RNASEH2B: variants seen among roughly 807,000 people sequenced by gnomAD.
The protein encoded by RNASEH2B is Aicardi-Goutieres syndrome 2 protein.
RNASEH2B carries 36 observed loss-of-function variants against 45.0 expected under a neutral mutation model. The observed-to-expected ratio is 0.80, with a 90% CI of 0.61 to 1.06. RNASEH2B has a LOEUF of 1.06. Ranked by LOEUF, RNASEH2B falls within the 50% of genes least tolerant of loss-of-function variation. The pLI, the probability that RNASEH2B is intolerant of heterozygous loss-of-function variation, is 0.00. For synonymous variants in RNASEH2B, 119 were observed against 125.7 expected, an observed-to-expected ratio of 0.95 and a Z score of 0.35; for missense variants, 361 against 360.3, an observed-to-expected ratio of 1.00 and a Z score of -0.02.
At chr13:50,939,393 G>T (rs1469763519) in intron 5 of RNASEH2B, among the ~76,000 whole-genome samples, 1 of 151,972 alleles carries the variant, frequency 6.6e-6, no homozygotes, top group East Asian at 1.9e-4. Flanking sequence ...GGTGGTATGT[G>T]CCTATAGTTC....
At chr13:50,970,337 C>G (rs958220986) in exon 10 of RNASEH2B, 14 of 468,870 alleles carry the variant, frequency 3.0e-5, no homozygotes, top group African/African-American at 2.9e-4. Context: ...AGTTTCAACC[C>G]TTACTTTAAA....
Position 50,909,927 on chromosome 13 carries a change from A to T in RNASEH2B, c.-150A>T. 3 of 551,340 alleles carry T rather than the reference A, an allele frequency of 5.4e-6. No homozygotes were observed. Among genetic ancestry groups the T allele is most frequent in the Non-Finnish European group, 9.1e-6 (3 of 331,158 alleles). The allele number at this position is 551,340 out of a possible 1,614,324, so 34.2% of individuals were successfully genotyped here. A position where few individuals can be genotyped will look rare whatever the true frequency, so the allele number is the denominator to read the frequency against. On this transcript the variant is annotated 5_prime_UTR_variant, in exon 1 of 11. Coordinates refer to ENST00000336617, the MANE Select transcript of RNASEH2B (RefSeq NM_024570.4). Reference sequence around the variant, plus strand: ...CAGGCTGGTCTCGGAAACGAAACGAAATTCGGTCCCTGGGCCTCCTCCCGG... The same window carrying T: ...CAGGCTGGTCTCGGAAACGAAACGATATTCGGTCCCTGGGCCTCCTCCCGG...
At chr13:50,934,641 A>G (rs999950959) in intron 4 of RNASEH2B, 4 of 529,716 alleles carry the variant, frequency 7.6e-6, no homozygotes, top group Non-Finnish European at 1.4e-5. Context: ...TCCCCATTTC[A>G]TTTGGGGACT....
chr13:50,936,085 G>A (rs1237693928), intron 5 of RNASEH2B: 2 of 152,302 alleles, frequency 1.3e-5, no homozygotes, highest in African/African-American at 4.8e-5. Context: ...GTAGTGGTGG[G>A]ATCCTGGACA....
In RNASEH2B at chr13:50,956,388, G is replaced by A. The variant is rs752930177; in HGVS notation, c.853G>A (p.Ala285Thr). 12 of 1,603,386 alleles carry A rather than the reference G, an allele frequency of 7.5e-6. No homozygotes were observed. The South Asian group carries it at 1.3e-4, about 18-fold the overall frequency. The stretch of plus-strand genomic sequence containing the variant: ...TAGCAAAATGACTGCAGCTCAGAAG[G>A]CTTTGGCTAAAGTTGACAAGAGTGG... ...KNSKMTAAQKALAKVDKSGMK... is the reference protein window; with the variant it reads ...KNSKMTAAQKTLAKVDKSGMK... The change falls in exon 11 of 11, where the codon GCT becomes ACT. Residue 285 changes from alanine to threonine, a missense_variant. Ala to Thr is a moderately conservative substitution (Grantham distance 58). Transcript: ENST00000336617.
intron 10 of RNASEH2B, chr13:50,954,306 G>C: frequency 4.0e-6 from 2 of 503,018 alleles, no homozygotes; most frequent in Non-Finnish European, 3.5e-6. Context: ...CTGCTGCCCA[G>C]AAGCAGAAAT....
intron 8 of RNASEH2B, chr13:50,948,327 T>A: frequency 2.4e-6 from 1 of 420,292 alleles, no homozygotes; most frequent in Non-Finnish European, 4.0e-6. Context: ...TTAACTATGT[T>A]AAAATTTTAT....
At position 50,943,379 on chromosome 13, in the gene RNASEH2B, G is replaced by A; in HGVS notation, c.495G>A (p.Lys165=). 6.2e-7 allele frequency: 1 copy of A among 1,605,406 alleles called. No individual in the cohort carries two copies. The highest frequency in any genetic ancestry group is 8.5e-7 in the Non-Finnish European group (1 of 1,172,428). The change falls in exon 6 of 11, where the codon AAG becomes AAA. Residue 165 remains lysine (K), a synonymous_variant. Transcript: ENST00000336617. ...AGTACAGCAAAGAGAAGACATTAAA[G>A]TGGCTGGAAAAAAAGGTATAGTTCC... ...YYKYSKEKTL[K]WLEKKVNQTV... is the part of the protein sequence containing the mutation.
At chr13:50,958,464 A>G (rs1327603083), downstream of RNASEH2B, among the ~76,000 whole-genome samples, 1 of 152,048 alleles carries the variant, frequency 6.6e-6, no homozygotes, top group Non-Finnish European at 1.5e-5. Flanking sequence ...CTGTTTTTGT[A>G]TCAGTACTAT....
chr13:50,910,026 G>A lies in RNASEH2B; in HGVS notation c.-51G>A, dbSNP rs1879247836. The A allele has an allele frequency of 3.5e-6, 5 of 1,437,566 alleles. No individual in the cohort carries two copies. The highest frequency in any genetic ancestry group is 4.6e-6 in the Non-Finnish European group (5 of 1,087,462). The allele number at this position is 1,437,566 out of a possible 1,614,324, so 89.1% of individuals were successfully genotyped here. A position where few individuals can be genotyped will look rare whatever the true frequency, so the allele number is the denominator to read the frequency against. On this transcript the variant is annotated 5_prime_UTR_variant, in exon 1 of 11. Coordinates refer to ENST00000336617, the MANE Select transcript of RNASEH2B (RefSeq NM_024570.4). Reference sequence around the variant, plus strand: ...CCCGCCATTTTCGGCGGGGCTGGGAGACTGAGGCCCGCGGCGCTGAGCCTG... The same window carrying A: ...CCCGCCATTTTCGGCGGGGCTGGGAAACTGAGGCCCGCGGCGCTGAGCCTG...
intron 1 of RNASEH2B, among the ~76,000 whole-genome samples, chr13:50,916,991 A>C (rs1458091480): frequency 6.6e-6 from 1 of 152,016 alleles, no homozygotes; most frequent in Non-Finnish European, 1.5e-5. Context: ...TTAGTGAAAA[A>C]CTGGTTTCAC....
At chr13:50,942,100 A>G (rs1401903591) in intron 5 of RNASEH2B, 1 of 152,222 alleles carries the variant, frequency 6.6e-6, no homozygotes, top group African/African-American at 2.4e-5. Context: ...AGAGGTGGTA[A>G]ATTCACATCA....
chr13:50,921,056 T>C (rs1951517810), intron 1 of RNASEH2B: 1 of 152,216 alleles, frequency 6.6e-6, no homozygotes, highest in African/African-American at 2.4e-5. Context: ...TTTTTCCACG[T>C]AGTTGAGGGA....
intron 1 of RNASEH2B, among the ~76,000 whole-genome samples, chr13:50,916,203 ATCT>A (rs1431845429): frequency 6.6e-6 from 1 of 151,908 alleles, no homozygotes; most frequent in African/African-American, 2.4e-5. Flanking sequence ...ATGAATTCCA[ATCT>A]TCTTAAATTT....
chr13:50,954,666 A>G (rs1279354046), intron 10 of RNASEH2B: 2 of 152,232 alleles, frequency 1.3e-5, no homozygotes, highest in African/African-American at 4.8e-5. Context: ...ATTCTTATTT[A>G]CAGTCTGTAT....
intron 9 of RNASEH2B, among the ~76,000 whole-genome samples, chr13:50,968,831 T>C (rs528463478): frequency 1.6e-4 from 25 of 152,354 alleles, no homozygotes; most frequent in Non-Finnish European, 2.8e-4. Context: ...ATAAATGTTA[T>C]TTTGATGGTC....
At chr13:50,948,191 T>A (rs762806232) in intron 8 of RNASEH2B, 123 bp downstream of exon 8, 4 of 1,481,882 alleles carry the variant, frequency 2.7e-6, no homozygotes, top group Non-Finnish European at 3.6e-6. Context: ...TTCAGCTATG[T>A]CATATACTTT....
intron 1 of RNASEH2B, chr13:50,911,145 AC>A (rs1453535092): frequency 6.6e-6 from 1 of 152,212 alleles, no homozygotes; most frequent in East Asian, 1.9e-4. Flanking sequence ...CAAGATGTAG[AC>A]TGTTTCCAAT....
Position 50,910,104 on chromosome 13 carries a change from G to T in RNASEH2B, c.28G>T (p.Gly10Trp), listed in dbSNP as rs1314779913. The change falls in exon 1 of 11, where the codon GGG becomes TGG. Residue 10 changes from glycine (G) to tryptophan (W), a missense_variant. Gly to Trp is a radical substitution (Grantham distance 184). Coordinates refer to ENST00000336617, the MANE Select transcript of RNASEH2B (RefSeq NM_024570.4). ...GGCCGCTGGCGTGGACTGCGGGGAC[G>T]GGGTTGGCGCCCGGCAGCACGTGTT... MAAGVDCGDGVGARQHVFLV... is the reference protein window; with the variant it reads MAAGVDCGDWVGARQHVFLV... The T allele has an allele frequency of 4.1e-6, 6 of 1,461,798 alleles. No individual in the cohort carries two copies. The highest frequency in any genetic ancestry group is 2.3e-4 in the Middle Eastern group (1 of 4,376). 90.6% of individuals were successfully genotyped at this position (1,461,798 alleles called of 1,614,324 possible).
Sources: gnomAD v4.1 joint callset for allele counts (sites outside exome capture counted in the v4.1 genomes callset) on GRCh38, gnomAD v4.1.1 for gene constraint, MANE v1.5 for transcripts, NCBI Gene and HGNC (gene_info 2026-07-23, HGNC 2026-07-21) for gene names.